The following KLHL18 variants were observed in gnomAD, a reference collection of about 807,000 sequenced individuals.
KLHL18 encodes kelch-like protein 18.
In KLHL18, 38 loss-of-function variants were observed where a neutral mutation model predicts 58.5. The ratio of observed to expected loss-of-function variants is 0.65; its 90% CI spans 0.50 to 0.85. The LOEUF (loss-of-function observed/expected upper bound fraction) is 0.85, where lower values mean the gene tolerates loss of function less well. Ranked by LOEUF, KLHL18 falls within the 40% of genes least tolerant of loss-of-function variation. The pLI is 0.00. For missense variants in KLHL18, 624 were observed against 778.4 expected (o/e 0.80, Z 2.36); for synonymous variants, 303 against 301.9 (o/e 1.00, Z -0.04).
At chr3:47,330,804 C>T (rs1703839206) in intron 4 of KLHL18, among the ~76,000 whole-genome samples, 1 of 151,970 alleles carries the variant, frequency 6.6e-6, no homozygotes, top group South Asian at 2.1e-4. Flanking sequence ...GATCTTGGCT[C>T]ACTGCAACCT....
intron 1 of KLHL18, among the ~76,000 whole-genome samples, chr3:47,300,479 G>A (rs1702999693): frequency 6.7e-6 from 1 of 149,708 alleles, no homozygotes; most frequent in Non-Finnish European, 1.5e-5. Context: ...CGTTGCCCAA[G>A]CTGGTCTTGA....
chr3:47,308,009 A>G (rs1703189509), intron 1 of KLHL18, among the ~76,000 whole-genome samples: 1 of 152,108 alleles, frequency 6.6e-6, no homozygotes, highest in Non-Finnish European at 1.5e-5. Flanking sequence ...GGGGGGGATT[A>G]ATTTATCCCT....
intron 1 of KLHL18, among the ~76,000 whole-genome samples, chr3:47,283,656 C>T (rs930069360): frequency 2.0e-5 from 3 of 152,064 alleles, no homozygotes; most frequent in East Asian, 1.9e-4. Context: ...GCACCACTCA[C>T]CACCACAAAG....
chr3:47,344,322 T>C lies in KLHL18; in HGVS notation c.*381T>C, dbSNP rs1704180583. ...CGCCTGCTTGCTCTCCAGCCGAGTC[T>C]GGCCAATTTGCCATGGGGAGGCTGC... On this transcript the variant is annotated 3_prime_UTR_variant, in exon 10 of 10. Coordinates refer to ENST00000232766, the MANE Select transcript of KLHL18 (RefSeq NM_025010.5). 3.6e-6 allele frequency: 1 copy of C among 277,372 alleles called. No homozygotes were observed. The highest frequency in any genetic ancestry group is 1.1e-4 in the East Asian group (1 of 8,868). The allele number at this position is 277,372 out of a possible 1,614,324, so 17.2% of individuals were successfully genotyped here.
chr3:47,294,809 A>G (rs552001389), intron 1 of KLHL18, among the ~76,000 whole-genome samples: 4 of 152,324 alleles, frequency 2.6e-5, no homozygotes, highest in South Asian at 4.1e-4. Flanking sequence ...TGCATATTCC[A>G]TGGTTCATGA....
intron 1 of KLHL18, among the ~76,000 whole-genome samples, chr3:47,291,474 C>T (rs191494971): frequency 3.3e-4 from 50 of 152,232 alleles, no homozygotes; most frequent in African/African-American, 1.2e-3. Context: ...CTGTAAAGGG[C>T]CAGATAGTAA....
rs200486948 is a variant in KLHL18, at chr3:47,336,782, C to T, written c.1121+25C>T. 37 of 1,566,310 alleles carry T rather than the reference C, an allele frequency of 2.4e-5. No individual in the cohort carries two copies. In the African/African-American group the frequency reaches 3.4e-4, roughly 14 times the overall value. On this transcript the variant is annotated intron_variant, in intron 7 of 9. Transcript: ENST00000232766. ...GGTATTCTGGAAGCCACGTGCAGCCCGAACATACACACTGAGCACCTGGGG... is the reference window on the plus strand; with the variant it reads ...GGTATTCTGGAAGCCACGTGCAGCCTGAACATACACACTGAGCACCTGGGG...
intron 1 of KLHL18, among the ~76,000 whole-genome samples, chr3:47,297,242 A>T (rs1337731036): frequency 6.6e-6 from 1 of 152,152 alleles, no homozygotes; most frequent in African/African-American, 2.4e-5. Flanking sequence ...GACTGAGCCC[A>T]GTATGTTTTA....
chr3:47,322,043 A>G (rs920778682), intron 2 of KLHL18, among the ~76,000 whole-genome samples: 2 of 152,242 alleles, frequency 1.3e-5, no homozygotes, highest in South Asian at 4.1e-4. Context: ...GTGTGAATTG[A>G]AAGCAGAAAA....
chr3:47,295,093 G>A (rs1336021518), intron 1 of KLHL18, among the ~76,000 whole-genome samples: 3 of 152,126 alleles, frequency 2.0e-5, no homozygotes, highest in African/African-American at 7.2e-5. Flanking sequence ...CGATATCTGA[G>A]GGGTAATGGG....
In KLHL18 at chr3:47,334,645, G is replaced by C. The variant is rs764622851; in HGVS notation, c.762-38G>C. 1 of 1,611,358 alleles carries C rather than the reference G, an allele frequency of 6.2e-7. No homozygotes were observed. Among genetic ancestry groups the C allele is most frequent in the Non-Finnish European group, 8.5e-7 (1 of 1,177,874 alleles). ...GATGCAAACGAGGACTAAGTCAGGG[G>C]GATACCTCCTGTTCTAGCATCTTCC... On this transcript the variant is annotated intron_variant, in intron 5 of 9. Transcript: ENST00000232766. This position sits in a 1 kb window ranked among gnomAD's most constrained non-coding sequence, Gnocchi z 4.7.
intron 1 of KLHL18, chr3:47,297,764 T>A: frequency 2.5e-6 from 1 of 398,548 alleles, no homozygotes; most frequent in Non-Finnish European, 5.0e-6. Flanking sequence ...TAAGTACAAC[T>A]GAGTATGAGG....
At chr3:47,325,207 T>G (rs561143906) in intron 3 of KLHL18, among the ~76,000 whole-genome samples, 1 of 152,206 alleles carries the variant, frequency 6.6e-6, no homozygotes, top group South Asian at 2.1e-4. Flanking sequence ...GGCGGAGCCT[T>G]GCTCTGTGAG....
chr3:47,309,955 G>C (rs891606622), intron 1 of KLHL18, among the ~76,000 whole-genome samples: 11 of 150,792 alleles, frequency 7.3e-5, no homozygotes, highest in East Asian at 3.9e-4. Context: ...GTCCAGCTTC[G>C]GCTCGGCATC....
At chr3:47,300,297 A>G (rs1357909758) in intron 1 of KLHL18, among the ~76,000 whole-genome samples, 6 of 145,646 alleles carry the variant, frequency 4.1e-5, no homozygotes, top group African/African-American at 1.5e-4. Flanking sequence ...TTATATATAT[A>G]TATATATATA....
At chr3:47,299,472 G>A (rs1441335400) in intron 1 of KLHL18, among the ~76,000 whole-genome samples, 1 of 152,080 alleles carries the variant, frequency 6.6e-6, no homozygotes, top group Non-Finnish European at 1.5e-5. Flanking sequence ...CATCCAGTCA[G>A]TGTAAGGCCT....
Position 47,334,835 on chromosome 3 carries a change from C to T in KLHL18, c.898+16C>T. Reference sequence around the variant, plus strand: ...AACTCAGCAGGTACCTTGCGGCTCCCCTTTATAGACCCTCCTCTTGGACTC... The same window carrying T: ...AACTCAGCAGGTACCTTGCGGCTCCTCTTTATAGACCCTCCTCTTGGACTC... On this transcript the variant is annotated intron_variant, in intron 6 of 9. Transcript: ENST00000232766. This position sits in a 1 kb window ranked among gnomAD's most constrained non-coding sequence, Gnocchi z 4.7. 1 of 1,600,720 alleles carries T rather than the reference C, an allele frequency of 6.2e-7. No individual in the cohort carries two copies. Among genetic ancestry groups the T allele is most frequent in the Non-Finnish European group, 8.5e-7 (1 of 1,173,232 alleles).
intron 1 of KLHL18, among the ~76,000 whole-genome samples, chr3:47,298,552 TTGCCCCCTTGG>T (rs1302981653): frequency 6.6e-6 from 1 of 152,150 alleles, no homozygotes; most frequent in Non-Finnish European, 1.5e-5. Flanking sequence ...AACATGAAGA[TTGCCCCCTTGG>T]TGCAGCCCAT....
intron 1 of KLHL18, among the ~76,000 whole-genome samples, chr3:47,305,812 C>A (rs1703135172): frequency 6.6e-6 from 1 of 151,968 alleles, no homozygotes; most frequent in African/African-American, 2.4e-5. Flanking sequence ...CAATTATTCC[C>A]CCATCTTGGG....
Sources: gnomAD v4.1 joint callset for allele counts (sites outside exome capture counted in the v4.1 genomes callset) on GRCh38, gnomAD v4.1.1 for gene constraint, Gnocchi (gnomAD v3.1) non-coding constraint, MANE v1.5 for transcripts, NCBI Gene and HGNC (gene_info 2026-07-23, HGNC 2026-07-21) for gene names.